The following FLRT1 variants were observed in gnomAD, a reference collection of about 807,000 sequenced individuals.
FLRT1 encodes the protein fibronectin leucine rich transmembrane protein 1.
A neutral mutation model predicts 30.9 loss-of-function variants in FLRT1; 14 were observed. That is an observed-to-expected ratio of 0.45 (90% CI 0.30 to 0.71). FLRT1 has a LOEUF of 0.71. Ranked by LOEUF, FLRT1 falls within the 30% of genes least tolerant of loss-of-function variation. FLRT1 has a pLI of 0.08. For missense variants in FLRT1, 737 were observed against 949.2 expected (o/e 0.78, Z 2.94); for synonymous variants, 368 against 430.4 (o/e 0.85, Z 1.80).
chr11:64,052,038 C>G (rs922156048), intron 1 of FLRT1, among the ~76,000 whole-genome samples: 1 of 151,336 alleles, frequency 6.6e-6, no homozygotes, highest in Non-Finnish European at 1.5e-5. Flanking sequence ...TGGCTGGTAT[C>G]TAGGGGGGCA....
chr11:64,100,546 G>A (rs564061067), intron 1 of FLRT1, among the ~76,000 whole-genome samples: 1 of 152,346 alleles, frequency 6.6e-6, no homozygotes, highest in African/African-American at 2.4e-5. Context: ...CAGAAGGGTG[G>A]CCACTGGGGG....
At chr11:64,076,861 C>T (rs950897919) in intron 1 of FLRT1, among the ~76,000 whole-genome samples, 1 of 152,244 alleles carries the variant, frequency 6.6e-6, no homozygotes, top group African/African-American at 2.4e-5. Flanking sequence ...CTGCCTCCAT[C>T]CCTTGCCTTC....
intron 2 of FLRT1, among the ~76,000 whole-genome samples, chr11:64,113,823 CATGGATGGATGG>C (rs138768566): frequency 8.8e-6 from 1 of 113,762 alleles, no homozygotes; most frequent in Admixed American, 8.7e-5. Context: ...CAGGTGGACG[CATGGATGGATGG>C]ATGGATGGAT....
chr11:64,095,980 C>CT (rs985478144), intron 1 of FLRT1, among the ~76,000 whole-genome samples: 1 of 34,048 alleles, frequency 2.9e-5, no homozygotes, highest in Non-Finnish European at 1.3e-4. Context: ...GTCCCCCCAC[C>CT]CCCCAGGGGC....
chr11:64,049,554 C>T (rs760154409), intron 1 of FLRT1, among the ~76,000 whole-genome samples: 7 of 152,348 alleles, frequency 4.6e-5, no homozygotes, highest in South Asian at 4.1e-4. Flanking sequence ...TCTTGGTCTC[C>T]GAGCTCAGCT....
intron 1 of FLRT1, among the ~76,000 whole-genome samples, chr11:64,051,677 G>A (rs933685251): frequency 5.3e-5 from 8 of 152,178 alleles, no homozygotes; most frequent in African/African-American, 1.9e-4. Flanking sequence ...CTCACGGCCC[G>A]GAGCTTATAG....
chr11:64,056,116 G>A (rs565573176), intron 1 of FLRT1, among the ~76,000 whole-genome samples: 56 of 152,266 alleles, frequency 3.7e-4, no homozygotes, highest in Non-Finnish European at 4.4e-4. Context: ...CTCCACCCCC[G>A]GCAATAAGCA....
In FLRT1 at chr11:64,117,722, G is replaced by A. The variant is rs561982463; in HGVS notation, c.1455G>A (p.Val485=). 22 of 1,613,748 alleles carry A rather than the reference G, an allele frequency of 1.4e-5. No homozygotes were observed. In the Admixed American group the frequency reaches 3.3e-4, roughly 24 times the overall value. ...TGGGCTCCATCACGGAGACCTTGGT[G>A]CAGGGGGACAAGACAGAGTACCTGC... ...PAVGSITETL[V]QGDKTEYLLT... The change falls in exon 3 of 3, where the codon GTG becomes GTA. Residue 485 remains valine (V), a synonymous_variant. Coordinates refer to ENST00000682287, the MANE Select transcript of FLRT1 (RefSeq NM_013280.5).
At chr11:64,091,194 C>T (rs2134523185) in intron 1 of FLRT1, among the ~76,000 whole-genome samples, 1 of 151,860 alleles carries the variant, frequency 6.6e-6, no homozygotes, top group East Asian at 1.9e-4. Flanking sequence ...GCTCCTGGGG[C>T]AAGGGAAGTG....
chr11:64,106,284 G>A (rs1316721405), intron 2 of FLRT1, among the ~76,000 whole-genome samples: 2 of 152,068 alleles, frequency 1.3e-5, no homozygotes, highest in East Asian at 1.9e-4. Flanking sequence ...AGGGCACCCT[G>A]GGTCACCATG....
Position 64,096,810 on chromosome 11 carries a change from G to T in FLRT1, c.-1037-6384G>T, listed in dbSNP as rs531708933. Among the ~76,000 whole-genome samples the T allele has an allele frequency of 6.6e-6, 1 of 152,318 alleles. No individual in the cohort carries two copies. Among genetic ancestry groups the T allele is most frequent in the Admixed American group, 6.5e-5 (1 of 15,310 alleles). ...GGGGAAGAGGGCAGGCCTGTGGGGG[G>T]CTGCCGTGTCCCCATACCCTCCAAG... is the stretch of plus-strand genomic sequence containing the variant. On this transcript the variant is annotated intron_variant, in intron 1 of 2. Coordinates refer to ENST00000682287, the MANE Select transcript of FLRT1 (RefSeq NM_013280.5). The surrounding 1 kb of genome is among the most constrained non-coding windows in gnomAD (Gnocchi z 4.6).
At chr11:64,115,244 A>G (rs746310163) in intron 2 of FLRT1, among the ~76,000 whole-genome samples, 3 of 152,234 alleles carry the variant, frequency 2.0e-5, no homozygotes, top group Admixed American at 2.0e-4. Flanking sequence ...GTAAAATAAT[A>G]TAAGAAAAAT....
Position 64,118,186 on chromosome 11 carries a change from C to A in FLRT1, c.1919C>A (p.Pro640His), listed in dbSNP as rs751994874. Residue 640 changes from proline (P) to histidine (H), a missense_variant, in exon 3 of 3, where the codon CCC (proline) becomes CAC (histidine). Coordinates refer to ENST00000682287, the MANE Select transcript of FLRT1 (RefSeq NM_013280.5). ...GAGTACGTGGTCCACACTATCTTCC[C>A]CTCCAACGGCAGCAGCCTCTGCAAG... is the stretch of plus-strand genomic sequence containing the variant. ...KEEYVVHTIF[P>H]SNGSSLCKAT... The A allele has an allele frequency of 7.4e-5, 120 of 1,613,436 alleles. No individual in the cohort carries two copies. The Admixed American group carries it at 1.9e-3, about 25-fold the overall frequency.
chr11:64,109,683 G>A (rs992402096), intron 2 of FLRT1, among the ~76,000 whole-genome samples: 32 of 152,166 alleles, frequency 2.1e-4, no homozygotes, highest in African/African-American at 7.2e-4. Context: ...TCCCATGGGA[G>A]GCTGGTGCGG....
chr11:64,053,081 T>TG (rs1943723072), intron 1 of FLRT1, among the ~76,000 whole-genome samples: 1 of 152,156 alleles, frequency 6.6e-6, no homozygotes, highest in African/African-American at 2.4e-5. Context: ...TCTGATTCCC[T>TG]CCAGCACGCT....
At chr11:64,060,485 C>A (rs1052043181) in intron 1 of FLRT1, 4 of 152,216 alleles carry the variant, frequency 2.6e-5, no homozygotes, top group Admixed American at 6.5e-5. Flanking sequence ...CGACTCCAGG[C>A]CCTCACAGAT....
At chr11:64,077,120 C>T (rs927317149) in intron 1 of FLRT1, among the ~76,000 whole-genome samples, 3 of 152,178 alleles carry the variant, frequency 2.0e-5, no homozygotes, top group Non-Finnish European at 4.4e-5. Flanking sequence ...TCAGTCCAGC[C>T]TCGGGTAGGC....
intron 1 of FLRT1, among the ~76,000 whole-genome samples, chr11:64,042,467 C>T (rs377442368): frequency 3.3e-4 from 51 of 152,324 alleles, no homozygotes; most frequent in Middle Eastern, 3.4e-3. Flanking sequence ...CTAAGCCCTG[C>T]TCCAATAGAG....
intron 1 of FLRT1, among the ~76,000 whole-genome samples, chr11:64,044,984 G>A (rs1230978200): frequency 6.6e-6 from 1 of 152,210 alleles, no homozygotes; most frequent in Non-Finnish European, 1.5e-5. Flanking sequence ...CATAGGGTAG[G>A]TGTCATTTGC....
Sources: allele counts gnomAD v4.1 joint callset (sites outside exome capture counted in the v4.1 genomes callset), GRCh38; gene constraint gnomAD v4.1.1; non-coding constraint Gnocchi (gnomAD v3.1); transcripts MANE v1.5; gene names NCBI Gene and HGNC (gene_info 2026-07-23, HGNC 2026-07-21).